RAD51AP2: variants seen among roughly 807,000 people sequenced by gnomAD.
The protein encoded by RAD51AP2 is RAD51 associated protein 2, also known as RAD51-associated protein 2.
In RAD51AP2, 67 loss-of-function variants were observed where a neutral mutation model predicts 85.5. That is an observed-to-expected ratio of 0.78 (90% CI 0.64 to 0.96). The LOEUF is 0.96. Among genes scored for constraint, RAD51AP2 ranks in the 40% least tolerant of loss-of-function variants. The pLI is 0.00. For missense variants in RAD51AP2, 1,307 were observed against 1,332.4 expected (o/e 0.98, Z 0.30); for synonymous variants, 474 against 446.5 (o/e 1.06, Z -0.78).
chr2:17,516,839 T>C lies in RAD51AP2; in HGVS notation c.1577A>G (p.Asp526Gly). The change falls in exon 1 of 3, where the codon GAT (aspartate) becomes GGT (glycine). Residue 526 changes from aspartate (D) to glycine (G), a missense_variant. By Grantham distance (94) the Asp-to-Gly change is moderately conservative. Around this residue, in one of 3 missense-constraint regions of RAD51AP2, gnomAD observed 635 missense variants for 643.6 expected, o/e 0.99. Transcript: ENST00000399080. Reference protein sequence around the residue: ...FHKSISGNKKDNSILTCCNIL... With the variant: ...FHKSISGNKKGNSILTCCNIL... ...GTTACAGCAGGTTAAAATACTATTATCTTTTTTATTTCCTGAAATACTTTT... is the reference window on the plus strand; with the variant it reads ...GTTACAGCAGGTTAAAATACTATTACCTTTTTTATTTCCTGAAATACTTTT... 3 of 1,545,726 alleles carry C rather than the reference T, an allele frequency of 1.9e-6. No homozygotes were observed. Among genetic ancestry groups the C allele is most frequent in the Non-Finnish European group, 2.6e-6 (3 of 1,146,184 alleles).
chr2:17,523,499 A>T, the RAD51AP2 span, among the ~76,000 whole-genome samples: 1 of 151,900 alleles, frequency 6.6e-6, no homozygotes, highest in Non-Finnish European at 1.5e-5. Context: ...TTTCAATAGT[A>T]ATTTATATTA....
In RAD51AP2 at chr2:17,510,683, CAA is replaced by C. The variant is rs10717850; in HGVS notation, c.*119_*120del. On this transcript the variant is annotated 3_prime_UTR_variant, in exon 3 of 3. Transcript: ENST00000399080. ...AAGGTAATACCATAATTTATACACT[CAA>C]AAAAAAAAACTTCTCCACTTTATAA... 1.4e-3 allele frequency: 612 copies of C among 437,818 alleles called. No homozygotes were observed. The highest frequency in any genetic ancestry group is 3.5e-3 in the South Asian group (52 of 14,666). 27.1% of individuals were successfully genotyped at this position (437,818 alleles called of 1,614,324 possible).
the RAD51AP2 span, among the ~76,000 whole-genome samples, chr2:17,533,112 A>C: frequency 7.9e-5 from 12 of 152,042 alleles, no homozygotes; most frequent in Admixed American, 5.9e-4. Context: ...TTCTCTTTAT[A>C]CTCCTCCTTT....
At chr2:17,537,655 T>TTAC in the RAD51AP2 span, among the ~76,000 whole-genome samples, 5 of 152,296 alleles carry the variant, frequency 3.3e-5, no homozygotes, top group Admixed American at 2.6e-4. Context: ...CTTAGACCTG[T>TTAC]TACACTACTG....
rs774203242 is a variant in RAD51AP2, at chr2:17,517,346, T to C, written c.1070A>G (p.Gln357Arg). 1.9e-6 allele frequency: 3 copies of C among 1,613,718 alleles called. No individual in the cohort carries two copies. Among genetic ancestry groups the C allele is most frequent in the Non-Finnish European group, 1.7e-6 (2 of 1,179,930 alleles). ...SSNYCNCSSI[Q>R]CNVRDSRKNF... ...CTTTCTAGAGTCTCTTACATTACAC[T>C]GGATACTACTGCAGTTACAGTAGTT... is the stretch of plus-strand genomic sequence containing the variant. Residue 357 changes from glutamine to arginine, a missense_variant, in exon 1 of 3, where the codon CAG becomes CGG. By Grantham distance (43) the Gln-to-Arg change is conservative. Transcript: ENST00000399080.
the RAD51AP2 span, among the ~76,000 whole-genome samples, chr2:17,532,548 C>A: frequency 3.3e-5 from 5 of 151,920 alleles, no homozygotes; most frequent in Non-Finnish European, 5.9e-5. Flanking sequence ...GAAAAAAATC[C>A]AATTGGTCTA....
rs1336646722 is a variant in RAD51AP2, at chr2:17,517,360, G to A, written c.1056C>T (p.Asn352=). 3.7e-6 allele frequency: 6 copies of A among 1,613,198 alleles called. No individual in the cohort carries two copies. In the African/African-American group the frequency reaches 4.0e-5, roughly 11 times the overall value. The change falls in exon 1 of 3, where the codon AAC becomes AAT. Residue 352 remains asparagine, a synonymous_variant. Transcript: ENST00000399080. ...RKDLISSNYC[N]CSSIQCNVRD... is the part of the protein sequence containing the mutation. ...TTACATTACACTGGATACTACTGCA[G>A]TTACAGTAGTTTGAACTGATCAAGT...
chr2:17,518,496 G>T (rs1662775760), upstream of RAD51AP2: 4 of 1,503,300 alleles, frequency 2.7e-6, no homozygotes, highest in East Asian at 2.3e-5. Context: ...CTCTGGTCAC[G>T]CCCCTGACCC....
the RAD51AP2 span, among the ~76,000 whole-genome samples, chr2:17,536,455 A>T: frequency 6.6e-6 from 1 of 152,216 alleles, no homozygotes; most frequent in Non-Finnish European, 1.5e-5. Flanking sequence ...GAGCACTGCT[A>T]TGAATCTATA....
rs748868395 is a variant in RAD51AP2, at chr2:17,516,139, G to A, written c.2277C>T (p.His759=). ...INENFYEVNM[H]SQDLNMERKQ... is the part of the protein sequence containing the mutation. The stretch of plus-strand genomic sequence containing the variant: ...TTCTTTCCATATTTAAATCTTGGCT[G>A]TGCATATTTACTTCATAAAAATTTT... Residue 759 remains histidine (H), a synonymous_variant, in exon 1 of 3, where the codon CAC becomes CAT. Coordinates refer to ENST00000399080, the MANE Select transcript of RAD51AP2 (RefSeq NM_001099218.3). 6.2e-6 allele frequency: 10 copies of A among 1,612,660 alleles called. No individual in the cohort carries two copies. The highest frequency in any genetic ancestry group is 1.7e-6 in the Non-Finnish European group (2 of 1,179,560).
Position 17,515,392 on chromosome 2 carries a change from C to T in RAD51AP2, c.3024G>A (p.Lys1008=). Residue 1008 remains lysine, a synonymous_variant, in exon 1 of 3, where the codon AAG becomes AAA. Transcript: ENST00000399080. ...ENYFGENDAE[K]VKMEIEKDLK... ...AATCTTTTTCTATCTCCATTTTTAC[C>T]TTCTCAGCATCATTTTCTCCAAAGT... 3 of 1,611,628 alleles carry T rather than the reference C, an allele frequency of 1.9e-6. No individual in the cohort carries two copies. Among genetic ancestry groups the T allele is most frequent in the Non-Finnish European group, 2.5e-6 (3 of 1,179,368 alleles).
chr2:17,512,321 C>T (rs773071538), intron 2 of RAD51AP2, among the ~76,000 whole-genome samples: 7 of 152,204 alleles, frequency 4.6e-5, no homozygotes, highest in Non-Finnish European at 8.8e-5. Flanking sequence ...TTCATATTAA[C>T]CCCATTCCCC....
chr2:17,518,477 T>A (rs1289414703), upstream of RAD51AP2: 2 of 1,548,152 alleles, frequency 1.3e-6, no homozygotes, highest in African/African-American at 2.7e-5. Context: ...AATAGGCGGT[T>A]CCGGGCCGCT....
chr2:17,519,699 G>A (rs1662815231), upstream of RAD51AP2, among the ~76,000 whole-genome samples: 1 of 152,138 alleles, frequency 6.6e-6, no homozygotes, highest in Non-Finnish European at 1.5e-5. Flanking sequence ...TGCAGCAGAA[G>A]CACTTCATTA....
chr2:17,532,392 T>C, the RAD51AP2 span, among the ~76,000 whole-genome samples: 1 of 152,300 alleles, frequency 6.6e-6, no homozygotes, highest in African/African-American at 2.4e-5. Flanking sequence ...TCTTTGCCCC[T>C]GTAGTCACGC....
At chr2:17,525,386 A>G in the RAD51AP2 span, among the ~76,000 whole-genome samples, 1 of 152,010 alleles carries the variant, frequency 6.6e-6, no homozygotes, top group Non-Finnish European at 1.5e-5. Context: ...GCAGAAAAAG[A>G]GCCAAGAATC....
chr2:17,521,438 A>T (rs1292453521), upstream of RAD51AP2, among the ~76,000 whole-genome samples: 1 of 152,128 alleles, frequency 6.6e-6, no homozygotes, highest in Non-Finnish European at 1.5e-5. Context: ...GTAAGAAGTG[A>T]ATAAATATGC....
chr2:17,531,996 C>T, the RAD51AP2 span, among the ~76,000 whole-genome samples: 1 of 151,886 alleles, frequency 6.6e-6, no homozygotes, highest in South Asian at 2.1e-4. Flanking sequence ...TTTTTGAATC[C>T]ACATCTCTTA....
At chr2:17,524,972 C>T in the RAD51AP2 span, among the ~76,000 whole-genome samples, 3 of 151,576 alleles carry the variant, frequency 2.0e-5, no homozygotes, top group Admixed American at 2.0e-4. Context: ...AAAATTTAAC[C>T]TAAGGTCCAA....
Sources: gnomAD v4.1 joint callset for allele counts (sites outside exome capture counted in the v4.1 genomes callset) on GRCh38, gnomAD v4.1.1 for gene constraint, gnomAD v4.1.1 regional missense constraint, MANE v1.5 for transcripts, NCBI Gene and HGNC (gene_info 2026-07-23, HGNC 2026-07-21) for gene names.